The following AIG1 variants were observed in gnomAD, a reference collection of about 807,000 sequenced individuals.
AIG1 encodes androgen-induced gene 1 protein.
In AIG1, 23 loss-of-function variants were observed where a neutral mutation model predicts 31.4. The observed-to-expected ratio is 0.73, with a 90% CI of 0.53 to 1.04. The LOEUF is 1.04. AIG1 is among the 50% of genes least tolerant of loss of function. The pLI, the probability that AIG1 is intolerant of heterozygous loss-of-function variation, is 0.00. For synonymous variants in AIG1, 100 were observed against 110.5 expected (o/e 0.90, Z 0.60); for missense variants, 274 against 295.0 (o/e 0.93, Z 0.52).
intron 3 of AIG1, among the ~76,000 whole-genome samples, chr6:143,222,047 G>A (rs1478232769): frequency 6.6e-6 from 1 of 152,194 alleles, no homozygotes; most frequent in East Asian, 1.9e-4. Context: ...CGACTCCTGA[G>A]AGCTTTGATT....
chr6:143,148,249 C>T (rs1383339148), intron 2 of AIG1, among the ~76,000 whole-genome samples: 4 of 151,396 alleles, frequency 2.6e-5, no homozygotes, highest in Admixed American at 2.6e-4. Flanking sequence ...ACCTGTAATC[C>T]CAGCACTTTG....
At chr6:143,190,755 T>C (rs1404332984) in intron 3 of AIG1, among the ~76,000 whole-genome samples, 1 of 152,194 alleles carries the variant, frequency 6.6e-6, no homozygotes, top group Non-Finnish European at 1.5e-5. Flanking sequence ...ATTTTCTACA[T>C]TATCATCATT....
chr6:143,327,944 G>C lies in AIG1; in HGVS notation c.516-5338G>C, dbSNP rs537301384. Among the ~76,000 whole-genome samples the C allele has an allele frequency of 5.9e-5, 9 of 152,298 alleles. No individual in the cohort carries two copies. The highest frequency in any genetic ancestry group is 6.5e-5 in the Admixed American group (1 of 15,284). On this transcript the variant is annotated intron_variant, in intron 4 of 5. Transcript: ENST00000357847. This position sits in a 1 kb window ranked among gnomAD's most constrained non-coding sequence, Gnocchi z 5.3. Reference sequence around the variant, plus strand: ...TTGATAAACTGCCTAGAATAGAGGAGAGATCTGGGTTAGGATATAAGTTTG... The same window carrying C: ...TTGATAAACTGCCTAGAATAGAGGACAGATCTGGGTTAGGATATAAGTTTG...
Position 143,113,169 on chromosome 6 carries a change from C to T in AIG1, c.142-23666C>T, listed in dbSNP as rs144967581. On this transcript the variant is annotated intron_variant, in intron 1 of 5. Transcript: ENST00000357847. Reference sequence around the variant, plus strand: ...CGCCACTACTGCACTCCAGCCTGGGCGAAAGAGCAAGACCCTGAAAGACCC... The same window carrying T: ...CGCCACTACTGCACTCCAGCCTGGGTGAAAGAGCAAGACCCTGAAAGACCC... Among the ~76,000 whole-genome samples the T allele has an allele frequency of 2.5e-3, 359 of 143,516 alleles. 1 individual carries two copies. Among genetic ancestry groups the T allele is most frequent in the Non-Finnish European group, 4.3e-3 (286 of 66,390 alleles). The allele number at this position is 143,516 out of a possible 152,430, so 94.2% of individuals were successfully genotyped here.
At chr6:143,296,773 A>G (rs1453717063) in intron 4 of AIG1, among the ~76,000 whole-genome samples, 2 of 152,216 alleles carry the variant, frequency 1.3e-5, no homozygotes, top group Non-Finnish European at 2.9e-5. Context: ...TAGCCATATA[A>G]AACATTGACT....
At chr6:143,304,914 G>T (rs1199829761) in intron 4 of AIG1, among the ~76,000 whole-genome samples, 1 of 152,132 alleles carries the variant, frequency 6.6e-6, no homozygotes, top group African/African-American at 2.4e-5. Flanking sequence ...GCCTGTTATT[G>T]GTCTATTCAG....
At chr6:143,151,467 G>C (rs987148100) in intron 2 of AIG1, among the ~76,000 whole-genome samples, 1 of 151,588 alleles carries the variant, frequency 6.6e-6, no homozygotes, top group Non-Finnish European at 1.5e-5. Context: ...TATTTTCCTA[G>C]TTTTTAATGT....
At position 143,333,548 on chromosome 6, in the gene AIG1, C is replaced by A; in HGVS notation, c.679+103C>A. 1 of 1,197,522 alleles carries A rather than the reference C, an allele frequency of 8.4e-7. No individual in the cohort carries two copies. The highest frequency in any genetic ancestry group is 1.2e-6 in the Non-Finnish European group (1 of 858,560). The allele number at this position is 1,197,522 out of a possible 1,614,324, so 74.2% of individuals were successfully genotyped here. A position where few individuals can be genotyped will look rare whatever the true frequency, so the allele number is the denominator to read the frequency against. On this transcript the variant is annotated intron_variant, in intron 5 of 5. Coordinates refer to ENST00000357847, the MANE Select transcript of AIG1 (RefSeq NM_016108.4). The surrounding 1 kb of genome is among the most constrained non-coding windows in gnomAD (Gnocchi z 4.6). Reference sequence around the variant, plus strand: ...CACTGTAGCCTCTTCTTTTAGCCTTCACACAGGATCTCCTATAAAGAGCTC... The same window carrying A: ...CACTGTAGCCTCTTCTTTTAGCCTTAACACAGGATCTCCTATAAAGAGCTC...
At chr6:143,314,543 T>G (rs2146300) in intron 4 of AIG1, among the ~76,000 whole-genome samples, 9,218 of 152,154 alleles carry the variant, frequency 0.061, 745 homozygotes, top group African/African-American at 0.18. Flanking sequence ...AGTCAGAATT[T>G]GAAGTTTGAA....
chr6:143,087,580 G>A (rs184472606), intron 1 of AIG1, among the ~76,000 whole-genome samples: 226 of 152,346 alleles, frequency 1.5e-3, no homozygotes, highest in Middle Eastern at 6.8e-3. Flanking sequence ...GCAAACAACA[G>A]TGGTGGACAG....
chr6:143,106,993 A>C (rs1227135439), intron 1 of AIG1, among the ~76,000 whole-genome samples: 1 of 152,192 alleles, frequency 6.6e-6, no homozygotes, highest in African/African-American at 2.4e-5. Flanking sequence ...TCCATCTTCA[A>C]ATACCCTCAC....
chr6:143,221,926 T>C (rs1792548489), intron 3 of AIG1, among the ~76,000 whole-genome samples: 1 of 152,182 alleles, frequency 6.6e-6, no homozygotes, highest in Admixed American at 6.5e-5. Context: ...CACACTGTAC[T>C]ACAGTCGACA....
At position 143,340,277 on chromosome 6, in the gene AIG1, T is replaced by C. The variant is rs1777803587; in HGVS notation, c.*601T>C. On this transcript the variant is annotated 3_prime_UTR_variant, in exon 6 of 6. Coordinates refer to ENST00000357847, the MANE Select transcript of AIG1 (RefSeq NM_016108.4). ...TGAAACTTTTCCTAGATGCAAATGC[T>C]GACTAATAAAGACAAAGCCACCCTG... 6.6e-6 allele frequency: 1 copy of C among 152,250 alleles called. No individual in the cohort carries two copies. Among genetic ancestry groups the C allele is most frequent in the Non-Finnish European group, 1.5e-5 (1 of 68,060 alleles). The allele number at this position is 152,250 out of a possible 1,614,324, so 9.4% of individuals were successfully genotyped here.
At chr6:143,081,806 C>T (rs181299223) in intron 1 of AIG1, among the ~76,000 whole-genome samples, 85 of 152,260 alleles carry the variant, frequency 5.6e-4, no homozygotes, top group African/African-American at 1.9e-3. Context: ...TGAGTTTCCC[C>T]ATTCCATTTC....
chr6:143,238,621 A>C (rs7764154), intron 3 of AIG1, among the ~76,000 whole-genome samples: 3,355 of 152,296 alleles, frequency 0.022, 129 homozygotes, highest in African/African-American at 0.075. Flanking sequence ...GAAAGGAAGA[A>C]AGTGAATAGA....
intron 3 of AIG1, chr6:143,186,553 C>G (rs572357773): frequency 6.6e-6 from 1 of 152,320 alleles, no homozygotes; most frequent in African/African-American, 2.4e-5. Context: ...GCTGCTATCT[C>G]CATGTGCTGG....
At chr6:143,162,948 A>G (rs1786538835) in intron 2 of AIG1, among the ~76,000 whole-genome samples, 2 of 152,128 alleles carry the variant, frequency 1.3e-5, no homozygotes, top group South Asian at 2.1e-4. Flanking sequence ...TCTTCACTCC[A>G]TGGGAAGGGA....
chr6:143,151,508 G>A (rs940338734), intron 2 of AIG1, among the ~76,000 whole-genome samples: 1 of 152,136 alleles, frequency 6.6e-6, no homozygotes, highest in South Asian at 2.1e-4. Context: ...AACACAGAAA[G>A]CCATAGCCTT....
chr6:143,272,991 T>A (rs1796639404), intron 3 of AIG1, among the ~76,000 whole-genome samples: 1 of 152,184 alleles, frequency 6.6e-6, no homozygotes, highest in Non-Finnish European at 1.5e-5. Flanking sequence ...TAGCTGGGCA[T>A]CGTGATCGGC....
Sources: gnomAD v4.1 joint callset for allele counts (sites outside exome capture counted in the v4.1 genomes callset) on GRCh38, gnomAD v4.1.1 for gene constraint, Gnocchi (gnomAD v3.1) non-coding constraint, MANE v1.5 for transcripts, NCBI Gene and HGNC (gene_info 2026-07-23, HGNC 2026-07-21) for gene names.